IGSF21: variants seen among roughly 807,000 people sequenced by gnomAD.
IGSF21 encodes the protein immunoglobulin superfamily member 21.
Under a neutral mutation model 46.8 loss-of-function variants are expected in IGSF21, and 28 were observed. That is an observed-to-expected ratio of 0.60 (90% CI 0.44 to 0.82). The LOEUF is 0.82. Ranked by LOEUF, IGSF21 falls within the 40% of genes least tolerant of loss-of-function variation. The pLI, the probability that IGSF21 is intolerant of heterozygous loss-of-function variation, is 0.00. For missense variants in IGSF21, 624 were observed against 665.5 expected (o/e 0.94, Z 0.69); for synonymous variants, 284 against 273.6 (o/e 1.04, Z -0.38).
At chr1:18,299,109 G>A (rs2085338464) in intron 3 of IGSF21, among the ~76,000 whole-genome samples, 1 of 152,220 alleles carries the variant, frequency 6.6e-6, no homozygotes, top group Admixed American at 6.5e-5. Flanking sequence ...AGTGGTTCTA[G>A]AGGCATCAGT....
chr1:18,228,204 G>T (rs2084589346), intron 2 of IGSF21, among the ~76,000 whole-genome samples, 194 bp downstream of exon 2: 1 of 152,084 alleles, frequency 6.6e-6, no homozygotes, highest in African/African-American at 2.4e-5. Context: ...CTACCCTCAG[G>T]ACTGATCTGG....
rs1333392093 is a variant in IGSF21 at position 18,217,370 on chromosome 1, T to C, written c.71-10528T>C. ...TTACTTGCTATCAATAAGTAATGGT[T>C]TGGGTGATACACGGCAGACACTTCT... On this transcript the variant is annotated intron_variant, in intron 1 of 9. Coordinates refer to ENST00000251296, the MANE Select transcript of IGSF21 (RefSeq NM_032880.5). 2.0e-5 allele frequency among the ~76,000 whole-genome samples: 3 copies of C among 152,160 alleles called. No individual in the cohort carries two copies. The East Asian group carries it at 5.8e-4, about 29-fold the overall frequency.
chr1:18,166,098 G>A (rs1290655243), intron 1 of IGSF21, among the ~76,000 whole-genome samples: 1 of 152,214 alleles, frequency 6.6e-6, no homozygotes, highest in Non-Finnish European at 1.5e-5. Context: ...TGGCCTTGCT[G>A]AAGAAATTAA....
chr1:18,193,899 TC>T (rs71575877), intron 1 of IGSF21, among the ~76,000 whole-genome samples: 1 of 152,120 alleles, frequency 6.6e-6, no homozygotes, highest in Non-Finnish European at 1.5e-5. Flanking sequence ...AAGGGGAGTT[TC>T]CCCCTGAGTG....
intron 3 of IGSF21, among the ~76,000 whole-genome samples, chr1:18,300,628 T>G (rs1384031570): frequency 6.6e-6 from 1 of 152,210 alleles, no homozygotes; most frequent in Non-Finnish European, 1.5e-5. Flanking sequence ...GTGCACTCAT[T>G]GGCCAGACCC....
chr1:18,155,525 C>T (rs982303396), intron 1 of IGSF21, among the ~76,000 whole-genome samples: 1 of 152,236 alleles, frequency 6.6e-6, no homozygotes, highest in Non-Finnish European at 1.5e-5. Context: ...GCTGGCTCTC[C>T]AGCCCCCTCC....
intron 1 of IGSF21, among the ~76,000 whole-genome samples, chr1:18,146,070 A>T (rs2086464389): frequency 6.6e-6 from 1 of 152,064 alleles, no homozygotes; most frequent in Non-Finnish European, 1.5e-5. Flanking sequence ...ACCCTCTCTG[A>T]TCCTGTTTAC....
intron 2 of IGSF21, among the ~76,000 whole-genome samples, chr1:18,242,009 CT>C: frequency 1.3e-5 from 2 of 152,274 alleles, no homozygotes; most frequent in Non-Finnish European, 2.9e-5. Flanking sequence ...TGGAGATGGC[CT>C]GGGGGCAGAG....
At chr1:18,176,587 A>G (rs2124464911) in intron 1 of IGSF21, among the ~76,000 whole-genome samples, 1 of 152,278 alleles carries the variant, frequency 6.6e-6, no homozygotes, top group Non-Finnish European at 1.5e-5. Context: ...TCCAAGGAGT[A>G]AGCCTTTTCA....
chr1:18,286,874 A>G (rs1277577622), intron 2 of IGSF21, among the ~76,000 whole-genome samples: 1 of 152,190 alleles, frequency 6.6e-6, no homozygotes, highest in Non-Finnish European at 1.5e-5. Flanking sequence ...AGAGCAATGG[A>G]CAGGACAGAT....
intron 2 of IGSF21, among the ~76,000 whole-genome samples, chr1:18,229,893 T>C (rs1037609403): frequency 3.3e-5 from 5 of 152,200 alleles, no homozygotes; most frequent in African/African-American, 1.2e-4. Flanking sequence ...CCCTCAGCCA[T>C]CCCATAGATG....
At chr1:18,138,756 G>C (rs1266549094) in intron 1 of IGSF21, among the ~76,000 whole-genome samples, 1 of 152,210 alleles carries the variant, frequency 6.6e-6, no homozygotes, top group Non-Finnish European at 1.5e-5. Flanking sequence ...ATGCCAGCTT[G>C]GCATCTGCTC....
At chr1:18,325,442 G>T (rs899485824) in intron 3 of IGSF21, among the ~76,000 whole-genome samples, 1 of 152,086 alleles carries the variant, frequency 6.6e-6, no homozygotes, top group Non-Finnish European at 1.5e-5. Context: ...CTGAGTCTTC[G>T]AGCGGGCTTG....
At chr1:18,206,921 C>T (rs1258189668) in intron 1 of IGSF21, among the ~76,000 whole-genome samples, 4 of 152,194 alleles carry the variant, frequency 2.6e-5, no homozygotes, top group African/African-American at 9.6e-5. Flanking sequence ...TACAACACCA[C>T]CTGTCTATTT....
chr1:18,130,584 A>C (rs1177191513), intron 1 of IGSF21, among the ~76,000 whole-genome samples: 2 of 152,200 alleles, frequency 1.3e-5, no homozygotes, highest in African/African-American at 4.8e-5. Context: ...TTTTCAGGAT[A>C]GGTAAACTGA....
At position 18,230,456 on chromosome 1, in the gene IGSF21, G is replaced by A. The variant is rs140076820; in HGVS notation, c.183+2446G>A. Among the ~76,000 whole-genome samples the A allele has an allele frequency of 3.1e-3, 472 of 152,266 alleles. 2 individuals carry two copies. Among genetic ancestry groups the A allele is most frequent in the African/African-American group, 0.01 (428 of 41,566 alleles). On this transcript the variant is annotated intron_variant, in intron 2 of 9. Coordinates refer to ENST00000251296, the MANE Select transcript of IGSF21 (RefSeq NM_032880.5). ...TCACATCCTTTGACTGAGGGCCTCTGGAGCAGGCATATGCAGATGTATGCA... is the reference window on the plus strand; with the variant it reads ...TCACATCCTTTGACTGAGGGCCTCTAGAGCAGGCATATGCAGATGTATGCA...
At chr1:18,259,092 A>G (rs1417736294) in intron 2 of IGSF21, among the ~76,000 whole-genome samples, 2 of 152,116 alleles carry the variant, frequency 1.3e-5, no homozygotes, top group Non-Finnish European at 2.9e-5. Flanking sequence ...AGGTGAATAA[A>G]TAAAACAGTA....
intron 2 of IGSF21, among the ~76,000 whole-genome samples, chr1:18,230,289 G>A (rs2084611424): frequency 6.6e-6 from 1 of 152,146 alleles, no homozygotes; most frequent in Non-Finnish European, 1.5e-5. Flanking sequence ...CTCCGGTAGG[G>A]AGACCCTCCT....
chr1:18,345,677 C>A (rs2085885522), intron 4 of IGSF21, among the ~76,000 whole-genome samples: 1 of 152,232 alleles, frequency 6.6e-6, no homozygotes, highest in South Asian at 2.1e-4. Context: ...AGCCACCGCA[C>A]CCGGCTATGG....
Sources: gnomAD v4.1 joint callset for allele counts (sites outside exome capture counted in the v4.1 genomes callset) on GRCh38, gnomAD v4.1.1 for gene constraint, MANE v1.5 for transcripts, NCBI Gene and HGNC (gene_info 2026-07-23, HGNC 2026-07-21) for gene names.